The following STX18 variants were observed in gnomAD, a reference collection of about 807,000 sequenced individuals.
STX18 encodes syntaxin-18.
In STX18, 40 loss-of-function variants were observed where a neutral mutation model predicts 50.1. That is an observed-to-expected ratio of 0.80 (90% CI 0.62 to 1.04). The LOEUF (loss-of-function observed/expected upper bound fraction) is 1.04, where lower values mean the gene tolerates loss of function less well. Among genes scored for constraint, STX18 ranks in the 50% least tolerant of loss-of-function variants. STX18 has a pLI of 0.00. For synonymous variants in STX18, 158 were observed against 151.8 expected (o/e 1.04, Z -0.30); for missense variants, 410 against 415.8 (o/e 0.99, Z 0.12).
intron 2 of STX18, among the ~76,000 whole-genome samples, chr4:4,466,710 G>A (rs183953127): frequency 1.2e-3 from 184 of 152,316 alleles, no homozygotes; most frequent in African/African-American, 4.2e-3. Context: ...CCTATGACAT[G>A]CATTTAGGAA....
intron 2 of STX18, among the ~76,000 whole-genome samples, chr4:4,466,194 T>G (rs1727610641): frequency 1.3e-5 from 2 of 152,040 alleles, no homozygotes; most frequent in Admixed American, 1.3e-4. Flanking sequence ...CAGGGCAGGC[T>G]CTACCGAGAA....
chr4:4,512,127 G>GC (rs1214906763), intron 1 of STX18, among the ~76,000 whole-genome samples: 1 of 152,042 alleles, frequency 6.6e-6, no homozygotes, highest in African/African-American at 2.4e-5. Context: ...GATGGGAACG[G>GC]CAAGGATACA....
intron 7 of STX18, among the ~76,000 whole-genome samples, chr4:4,429,278 C>A (rs566519286): frequency 1.3e-5 from 2 of 152,268 alleles, no homozygotes; most frequent in African/African-American, 4.8e-5. Flanking sequence ...CTGCTTTATC[C>A]CATTTAGAAG....
chr4:4,438,102 G>A (rs999390637), intron 6 of STX18, among the ~76,000 whole-genome samples: 25 of 152,290 alleles, frequency 1.6e-4, no homozygotes, highest in Admixed American at 1.3e-3. Context: ...TCCTGAGGCC[G>A]GCACACAGGG....
chr4:4,540,219 A>G (rs1187128403), intron 1 of STX18, among the ~76,000 whole-genome samples: 3 of 152,230 alleles, frequency 2.0e-5, no homozygotes, highest in African/African-American at 7.2e-5. Flanking sequence ...ATGAAATCAT[A>G]TAGCTAATAG....
chr4:4,445,471 C>CT (rs1215879112), intron 5 of STX18, among the ~76,000 whole-genome samples: 1 of 151,740 alleles, frequency 6.6e-6, no homozygotes, highest in African/African-American at 2.4e-5. Context: ...GCTACTAGAA[C>CT]TACATGTGAA....
intron 1 of STX18, among the ~76,000 whole-genome samples, chr4:4,502,832 C>T (rs551498768): frequency 6.6e-6 from 1 of 152,312 alleles, no homozygotes; most frequent in East Asian, 1.9e-4. Context: ...CCATGACACA[C>T]ACTTCATCGG....
chr4:4,502,935 G>A (rs1337736048), intron 1 of STX18, among the ~76,000 whole-genome samples: 2 of 152,084 alleles, frequency 1.3e-5, no homozygotes, highest in Non-Finnish European at 2.9e-5. Context: ...GCGCTGTCCC[G>A]GATATAAAAA....
chr4:4,437,676 G>C, intron 6 of STX18: 1 of 967,594 alleles, frequency 1.0e-6, no homozygotes, highest in Non-Finnish European at 1.2e-6. Context: ...TGCTAAAGGG[G>C]ACTCCCAGGT....
chr4:4,513,370 C>T (rs1730095983), intron 1 of STX18, among the ~76,000 whole-genome samples: 1 of 152,092 alleles, frequency 6.6e-6, no homozygotes, highest in South Asian at 2.1e-4. Flanking sequence ...CAGCTTTATC[C>T]CAGAAGCAGC....
chr4:4,431,864 T>C (rs1725534097), intron 7 of STX18, among the ~76,000 whole-genome samples: 1 of 152,102 alleles, frequency 6.6e-6, no homozygotes, highest in African/African-American at 2.4e-5. Context: ...GCCCTCCTCA[T>C]CTCTCAACCT....
chr4:4,492,701 C>G (rs561748298), intron 1 of STX18, among the ~76,000 whole-genome samples: 1 of 152,108 alleles, frequency 6.6e-6, no homozygotes, highest in East Asian at 1.9e-4. Context: ...GTTCTGAATT[C>G]TGCTTATCAC....
chr4:4,421,906 A>G (rs928820562), intron 9 of STX18, among the ~76,000 whole-genome samples: 1 of 152,200 alleles, frequency 6.6e-6, no homozygotes, highest in Non-Finnish European at 1.5e-5. Context: ...GGGATAACAC[A>G]GGGGGCGTCT....
intron 1 of STX18, among the ~76,000 whole-genome samples, chr4:4,527,627 C>T (rs1204522688): frequency 6.6e-6 from 1 of 151,688 alleles, no homozygotes; most frequent in Non-Finnish European, 1.5e-5. Context: ...GATTTGCAGT[C>T]AACATGCCAC....
intron 1 of STX18, among the ~76,000 whole-genome samples, chr4:4,496,469 C>G (rs1729174558): frequency 6.6e-6 from 1 of 152,156 alleles, no homozygotes; most frequent in Non-Finnish European, 1.5e-5. Context: ...CTTTCGCTCA[C>G]CCCATCAGCC....
chr4:4,506,279 A>C (rs1384074987), intron 1 of STX18, among the ~76,000 whole-genome samples: 4 of 152,280 alleles, frequency 2.6e-5, no homozygotes, highest in African/African-American at 9.6e-5. Context: ...ATTGTCAAAA[A>C]CTAGATACAA....
chr4:4,502,472 GA>G (rs1382788687), intron 1 of STX18, among the ~76,000 whole-genome samples: 1 of 152,054 alleles, frequency 6.6e-6, no homozygotes, highest in Non-Finnish European at 1.5e-5. Flanking sequence ...ACTACTCAAG[GA>G]TAAAACTTTT....
At chr4:4,432,564 A>G (rs966257764) in intron 7 of STX18, among the ~76,000 whole-genome samples, 1 of 151,522 alleles carries the variant, frequency 6.6e-6, no homozygotes, top group Admixed American at 6.6e-5. Context: ...GGGCCAGCTC[A>G]CTCAAACTTT....
intron 1 of STX18, among the ~76,000 whole-genome samples, chr4:4,491,231 A>T (rs1728928616): frequency 6.6e-6 from 1 of 152,128 alleles, no homozygotes; most frequent in African/African-American, 2.4e-5. Context: ...GAGCACGTCT[A>T]GCCTCAACAG....
Sources: gnomAD v4.1 joint callset for allele counts (sites outside exome capture counted in the v4.1 genomes callset) on GRCh38, gnomAD v4.1.1 for gene constraint, MANE v1.5 for transcripts, NCBI Gene and HGNC (gene_info 2026-07-23, HGNC 2026-07-21) for gene names.